The following PRSS53 variants were observed in gnomAD, a reference collection of about 807,000 sequenced individuals.
PRSS53 encodes EDTP308.
PRSS53 carries 54 observed loss-of-function variants against 62.7 expected under a neutral mutation model. That is an observed-to-expected ratio of 0.86 (90% CI 0.69 to 1.08). The LOEUF (loss-of-function observed/expected upper bound fraction) is 1.08, where lower values mean the gene tolerates loss of function less well. Among genes scored for constraint, PRSS53 ranks in the 50% least tolerant of loss-of-function variants. PRSS53 has a pLI of 0.00. For synonymous variants in PRSS53, 273 were observed against 300.0 expected (o/e 0.91, Z 0.93); for missense variants, 688 against 728.3 (o/e 0.94, Z 0.64).
exon 3 of PRSS53, chr16:31,087,620 A>T: frequency 6.2e-7 from 1 of 1,610,480 alleles, no homozygotes; most frequent in Non-Finnish European, 8.5e-7. Context: ...GCCTCCTCAC[A>T]CTGGCCTGCC....
At chr16:31,083,924 T>C in intron 10 of PRSS53, 115 bp from the exon 11 acceptor site, 1 of 1,518,792 alleles carries the variant, frequency 6.6e-7, no homozygotes, top group Non-Finnish European at 8.9e-7. Flanking sequence ...CAGATGAGAA[T>C]ACTGAGGCTC....
At chr16:31,087,659 C>A in exon 3 of PRSS53, 1 of 1,611,614 alleles carries the variant, frequency 6.2e-7, no homozygotes, top group East Asian at 2.2e-5. Context: ...CTGTGTTGCC[C>A]TCCTGAGGCT....
chr16:31,084,261 A>G (rs1305496309), exon 10 of PRSS53: 3 of 1,612,364 alleles, frequency 1.9e-6, no homozygotes, highest in African/African-American at 2.7e-5. Context: ...CTTGGCAAGC[A>G]TCTCCGAAGC....
At chr16:31,084,759 C>G in intron 8 of PRSS53, 21 bp downstream of exon 8, 1 of 1,582,060 alleles carries the variant, frequency 6.3e-7, no homozygotes, top group South Asian at 1.1e-5. Context: ...GGACAGCAGC[C>G]CTGGCCCTGT....
At chr16:31,088,074 C>T (rs1332769345) in intron 1 of PRSS53, 3 of 1,411,214 alleles carry the variant, frequency 2.1e-6, no homozygotes, top group Non-Finnish European at 2.8e-6. Flanking sequence ...TGGGGTTCAG[C>T]TTGGGAGTAG....
In PRSS53 at chr16:31,085,960, G is replaced by A. The variant is rs1048949537; in HGVS notation, c.883+4C>T. 6.2e-6 allele frequency: 10 copies of A among 1,606,368 alleles called. No individual in the cohort carries two copies. The highest frequency in any genetic ancestry group is 2.2e-5 in the East Asian group (1 of 44,596). On this transcript the variant is annotated splice_donor_region_variant and intron_variant, in intron 6 of 10. Transcript: ENST00000280606. Reference sequence around the variant, plus strand: ...TGCCCACTCCCAGCATGCCCCACTCGTACCTACACAGCTGTCCTCATCACT... The same window carrying A: ...TGCCCACTCCCAGCATGCCCCACTCATACCTACACAGCTGTCCTCATCACT...
At chr16:31,083,691 T>C in exon 11 of PRSS53, 1 of 1,603,414 alleles carries the variant, frequency 6.2e-7, no homozygotes, top group Non-Finnish European at 8.5e-7. Context: ...GGGCCTGCCC[T>C]GGTGCCTGGA....
rs552431432 is a variant in PRSS53, at chr16:31,084,430, T to C, written c.1426-95A>G. The C allele has an allele frequency of 1.3e-3, 2,003 of 1,493,344 alleles. 12 individuals are homozygous for C. The highest frequency in any genetic ancestry group is 5.4e-3 in the South Asian group (426 of 79,256). The allele number at this position is 1,493,344 out of a possible 1,614,324, so 92.5% of individuals were successfully genotyped here. ...GAACCTCTGGCTGTTTGGGGGCTAA[T>C]TGGCAAAAAGGCTTAGTTTCAGGTG... On this transcript the variant is annotated intron_variant, in intron 9 of 10. Coordinates refer to ENST00000280606, the Ensembl canonical transcript of PRSS53.
intron 1 of PRSS53, chr16:31,088,460 C>G: frequency 7.6e-7 from 1 of 1,312,164 alleles, no homozygotes; most frequent in South Asian, 1.8e-5. Flanking sequence ...TGCCTGACGT[C>G]ATTGTGGAAG....
rs2057226465 is a variant in PRSS53 at position 31,085,830 on chromosome 16, C to T, written c.883+134G>A. ...CCTGTGCCTCTCAGCCCTAACAGGG[C>T]TGTTCCCATCCCAGGGGGTGAAAGA... is the stretch of plus-strand genomic sequence containing the variant. On this transcript the variant is annotated intron_variant, in intron 6 of 10. Transcript: ENST00000280606. The T allele has an allele frequency of 2.7e-5, 21 of 773,652 alleles. No homozygotes were observed. In the South Asian group the frequency reaches 3.1e-4, roughly 11 times the overall value. The allele number at this position is 773,652 out of a possible 1,614,324, so 47.9% of individuals were successfully genotyped here.
At chr16:31,084,502 T>G in intron 9 of PRSS53, 56 bp downstream of exon 9, 3 of 1,559,364 alleles carry the variant, frequency 1.9e-6, no homozygotes, top group Non-Finnish European at 2.6e-6. Flanking sequence ...TCTTGAGCTA[T>G]TGGGTGAGGG....
chr16:31,086,908 G>A lies in PRSS53; in HGVS notation c.243-10C>T. The A allele has an allele frequency of 6.3e-7, 1 of 1,581,354 alleles. No individual in the cohort carries two copies. Among genetic ancestry groups the A allele is most frequent in the Non-Finnish European group, 8.6e-7 (1 of 1,162,970 alleles). ...TTCTGTTGCTGCTGCCCTGGAAGGG[G>A]AAGGACAAGGTCCAGGCTGCTGAGT... On this transcript the variant is annotated splice_polypyrimidine_tract_variant and intron_variant, in intron 3 of 10. Transcript: ENST00000280606.
chr16:31,087,522 C>G lies in PRSS53; in HGVS notation c.242+15G>C, dbSNP rs765580032. ...CCAGAGCCGGAGACCCTGCCTGACC[C>G]CAGCCATGACTTACTTTTCAAAGCA... On this transcript the variant is annotated intron_variant, in intron 3 of 10. Transcript: ENST00000280606. The G allele has an allele frequency of 1.2e-6, 2 of 1,607,306 alleles. No individual in the cohort carries two copies. The highest frequency in any genetic ancestry group is 1.1e-5 in the South Asian group (1 of 90,428).
exon 4 of PRSS53, chr16:31,086,696 C>T (rs769552498): frequency 8.3e-6 from 13 of 1,558,268 alleles, no homozygotes; most frequent in South Asian, 7.3e-5. Context: ...AAGCGATGGG[C>T]GGGCTGGGGC....
chr16:31,088,276 TCTAGAGA>T, intron 1 of PRSS53: 12 of 1,132,862 alleles, frequency 1.1e-5, no homozygotes, highest in African/African-American at 1.6e-5. Flanking sequence ...CTCACCCTGG[TCTAGAGA>T]CTCAGTCTTC....
intron 3 of PRSS53, 145 bp downstream of exon 3, chr16:31,087,392 G>A: frequency 1.5e-6 from 1 of 646,070 alleles, no homozygotes; most frequent in East Asian, 2.8e-5. Flanking sequence ...CAATTAACTT[G>A]ACAATATGTA....
Position 31,084,553 on chromosome 16 carries a change from C to T in PRSS53, c.1425+5G>A. ...TTAGGTAAGGTGTGGGGGCCTGGGG[C>T]TCACCTCACAGCTGGGCAGCTCACC... On this transcript the variant is annotated splice_donor_5th_base_variant and intron_variant, in intron 9 of 10. Coordinates refer to ENST00000280606, the Ensembl canonical transcript of PRSS53. The T allele has an allele frequency of 6.2e-7, 1 of 1,601,406 alleles. No homozygotes were observed. Among genetic ancestry groups the T allele is most frequent in the Non-Finnish European group, 8.5e-7 (1 of 1,175,244 alleles).
chr16:31,087,898 G>T lies in PRSS53; in HGVS notation c.59-72C>A. The T allele has an allele frequency of 3.1e-6, 5 of 1,594,122 alleles. No homozygotes were observed. The South Asian group carries it at 5.6e-5, about 18-fold the overall frequency. On this transcript the variant is annotated intron_variant, in intron 1 of 10. Transcript: ENST00000280606. ...CTAGCTTTGGGGAGGAGAGGGGATGGGCTGGGGGGCGGGCCCAGGGTCCTT... is the reference window on the plus strand; with the variant it reads ...CTAGCTTTGGGGAGGAGAGGGGATGTGCTGGGGGGCGGGCCCAGGGTCCTT...
chr16:31,083,859 T>TGCCA, intron 10 of PRSS53, 50 bp from the exon 11 acceptor site: 3 of 1,590,020 alleles, frequency 1.9e-6, no homozygotes, highest in Non-Finnish European at 2.6e-6. Context: ...ACGGCTTTGG[T>TGCCA]CCCTCCCTCC....
Sources: gnomAD v4.1 joint callset for allele counts on GRCh38, gnomAD v4.1.1 for gene constraint, MANE v1.5 for transcripts, NCBI Gene and HGNC (gene_info 2026-07-23, HGNC 2026-07-21) for gene names.